The following SH3RF3 variants were observed in gnomAD, a reference collection of about 807,000 sequenced individuals.
SH3RF3 encodes the protein SH3 domain containing ring finger 3, also known as E3 ubiquitin-protein ligase SH3RF3.
SH3RF3 carries 29 observed loss-of-function variants against 66.3 expected under a neutral mutation model. The ratio of observed to expected loss-of-function variants is 0.44; its 90% CI spans 0.33 to 0.60. The LOEUF (loss-of-function observed/expected upper bound fraction) is 0.60, where lower values mean the gene tolerates loss of function less well. Ranked by LOEUF, SH3RF3 falls within the 20% of genes least tolerant of loss-of-function variation. SH3RF3 has a pLI of 0.04. For missense variants in SH3RF3, 1,194 were observed against 1,190.9 expected (o/e 1.00, Z -0.04); for synonymous variants, 583 against 532.0 (o/e 1.10, Z -1.32).
chr2:109,494,379 G>T (rs1402707999), intron 9 of SH3RF3, among the ~76,000 whole-genome samples: 1 of 152,126 alleles, frequency 6.6e-6, no homozygotes, highest in Non-Finnish European at 1.5e-5. Context: ...CTGCTCATGA[G>T]CCCCAGAAGT....
intron 3 of SH3RF3, among the ~76,000 whole-genome samples, chr2:109,389,043 G>A (rs1675908768): frequency 6.6e-6 from 1 of 152,198 alleles, no homozygotes; most frequent in Admixed American, 6.5e-5. Context: ...ATCACATGCA[G>A]CATCATAGGC....
intron 1 of SH3RF3, among the ~76,000 whole-genome samples, chr2:109,238,687 T>TCACTCC (rs1679706387): frequency 6.6e-6 from 1 of 152,164 alleles, no homozygotes; most frequent in African/African-American, 2.4e-5. Flanking sequence ...CAGGATGGCC[T>TCACTCC]CACTCCACAG....
intron 4 of SH3RF3, among the ~76,000 whole-genome samples, chr2:109,412,750 T>C (rs1676628593): frequency 6.6e-6 from 1 of 152,268 alleles, no homozygotes. Flanking sequence ...TCACTTGATA[T>C]TAAAGTGTAG....
In SH3RF3 at chr2:109,441,489, C is replaced by T. The variant is rs73953111; in HGVS notation, c.1828+4343C>T. ...AACTTGAAGATATAGTAATAGAAGC[C>T]GTGGAAAGTGGAACACAGAGATAAA... On this transcript the variant is annotated intron_variant, in intron 7 of 9. Coordinates refer to ENST00000309415, the MANE Select transcript of SH3RF3 (RefSeq NM_001099289.3). 6.7e-3 allele frequency among the ~76,000 whole-genome samples: 1,014 copies of T among 151,664 alleles called. 13 individuals carry two copies. Among genetic ancestry groups the T allele is most frequent in the African/African-American group, 0.023 (951 of 41,324 alleles).
chr2:109,208,563 T>A (rs1041144089), intron 1 of SH3RF3, among the ~76,000 whole-genome samples: 6 of 152,260 alleles, frequency 3.9e-5, no homozygotes, highest in African/African-American at 1.4e-4. Context: ...CCGACCCACC[T>A]GCAGCAGAGC....
chr2:109,395,909 A>C (rs944357317), intron 3 of SH3RF3, among the ~76,000 whole-genome samples: 1 of 152,168 alleles, frequency 6.6e-6, no homozygotes, highest in African/African-American at 2.4e-5. Flanking sequence ...ACCAACTCAA[A>C]AGGGTCACAG....
intron 1 of SH3RF3, among the ~76,000 whole-genome samples, chr2:109,226,998 C>G (rs1216140782): frequency 6.6e-6 from 1 of 152,180 alleles, no homozygotes; most frequent in East Asian, 1.9e-4. Flanking sequence ...CTTTCTAGCT[C>G]TGGGTCCCAC....
At chr2:109,494,630 A>C (rs1679214234) in intron 9 of SH3RF3, among the ~76,000 whole-genome samples, 1 of 152,086 alleles carries the variant, frequency 6.6e-6, no homozygotes, top group South Asian at 2.1e-4. Flanking sequence ...GGGCCAGAAC[A>C]CTCAGCTGCC....
intron 1 of SH3RF3, among the ~76,000 whole-genome samples, chr2:109,197,710 T>A (rs1678540179): frequency 6.6e-6 from 1 of 152,196 alleles, no homozygotes; most frequent in East Asian, 1.9e-4. Context: ...TAGGGCCGGG[T>A]GTGTGCCTTG....
chr2:109,220,542 T>C lies in SH3RF3; in HGVS notation c.573+90429T>C, dbSNP rs1297885226. On this transcript the variant is annotated intron_variant, in intron 1 of 9. Coordinates refer to ENST00000309415, the MANE Select transcript of SH3RF3 (RefSeq NM_001099289.3). ...AAATCATTGTTTAGTAAATAATGAA[T>C]ATCTGGAATATATAAAGAACTTCTA... Among the ~76,000 whole-genome samples the C allele has an allele frequency of 2.6e-5, 4 of 152,192 alleles. No homozygotes were observed. In the East Asian group the frequency reaches 7.7e-4, roughly 29 times the overall value.
chr2:109,338,922 A>AGT (rs1559031391), intron 1 of SH3RF3, among the ~76,000 whole-genome samples: 1 of 107,026 alleles, frequency 9.3e-6, no homozygotes, highest in Non-Finnish European at 1.8e-5. Context: ...GATAACACAA[A>AGT]CAGTTGATCA....
chr2:109,129,866 C>A lies in SH3RF3; in HGVS notation c.326C>A (p.Pro109His). 1 of 1,525,186 alleles carries A rather than the reference C, an allele frequency of 6.6e-7. No homozygotes were observed. 94.5% of individuals were successfully genotyped at this position (1,525,186 alleles called of 1,614,324 possible). The stretch of plus-strand genomic sequence containing the variant: ...GTGGGCTGCGGCGTGGACGAACTGC[C>A]CGCCAACATCTTGCTGGTGCGACTG... ...ILVGCGVDEL[P>H]ANILLVRLLD... Residue 109 changes from proline to histidine, a missense_variant, in exon 1 of 10, where the codon CCC becomes CAC. Pro to His is a moderately conservative substitution (Grantham distance 77). Coordinates refer to ENST00000309415, the MANE Select transcript of SH3RF3 (RefSeq NM_001099289.3).
chr2:109,329,320 A>G (rs958420134), intron 1 of SH3RF3, among the ~76,000 whole-genome samples: 6 of 152,224 alleles, frequency 3.9e-5, no homozygotes, highest in African/African-American at 1.4e-4. Flanking sequence ...AACACAACTC[A>G]TGAGAGGAAA....
At chr2:109,439,086 G>T (rs1362059981) in intron 7 of SH3RF3, among the ~76,000 whole-genome samples, 2 of 152,122 alleles carry the variant, frequency 1.3e-5, no homozygotes, top group African/African-American at 2.4e-5. Context: ...ATTCAAAGAA[G>T]AAATGGAGCC....
chr2:109,257,130 C>T (rs1680239898), intron 1 of SH3RF3, among the ~76,000 whole-genome samples: 1 of 152,206 alleles, frequency 6.6e-6, no homozygotes, highest in Non-Finnish European at 1.5e-5. Flanking sequence ...CTCATGTCCA[C>T]TCTGCAGCCG....
At chr2:109,297,450 TCCAGAG>T (rs1215092115) in intron 1 of SH3RF3, among the ~76,000 whole-genome samples, 1 of 151,822 alleles carries the variant, frequency 6.6e-6, no homozygotes, top group Non-Finnish European at 1.5e-5. Context: ...GCATACCTCC[TCCAGAG>T]CCAGAGGGGT....
chr2:109,194,758 T>C (rs1678456755), intron 1 of SH3RF3, among the ~76,000 whole-genome samples: 1 of 152,212 alleles, frequency 6.6e-6, no homozygotes, highest in African/African-American at 2.4e-5. Flanking sequence ...CAATCCTGAA[T>C]GCTCAAGCTC....
chr2:109,426,433 G>A (rs889454599), intron 5 of SH3RF3, among the ~76,000 whole-genome samples: 5 of 152,234 alleles, frequency 3.3e-5, no homozygotes, highest in Admixed American at 6.5e-5. Flanking sequence ...AGACTTCAGT[G>A]TAGGAAGTCA....
At chr2:109,237,676 C>A (rs1410973299) in intron 1 of SH3RF3, among the ~76,000 whole-genome samples, 3 of 152,010 alleles carry the variant, frequency 2.0e-5, no homozygotes, top group Admixed American at 6.6e-5. Context: ...GACGGTTCTT[C>A]CAGTGTGGCC....
Sources: allele counts gnomAD v4.1 joint callset (sites outside exome capture counted in the v4.1 genomes callset), GRCh38; gene constraint gnomAD v4.1.1; transcripts MANE v1.5; gene names NCBI Gene and HGNC (gene_info 2026-07-23, HGNC 2026-07-21).